The following ADAMTS6 variants were observed in gnomAD, a reference collection of about 807,000 sequenced individuals.
ADAMTS6 encodes the protein A disintegrin and metalloproteinase with thrombospondin motifs 6.
In ADAMTS6, 23 loss-of-function variants were observed where a neutral mutation model predicts 144.3. The observed-to-expected ratio is 0.16, with a 90% CI of 0.11 to 0.23. The LOEUF (loss-of-function observed/expected upper bound fraction) is 0.23. ADAMTS6 is among the 10% of genes least tolerant of loss of function. ADAMTS6 has a pLI of 1.00. For missense variants in ADAMTS6, 999 were observed against 1,379.6 expected, an observed-to-expected ratio of 0.72 and a Z score of 4.37; for synonymous variants, 444 against 457.5, an observed-to-expected ratio of 0.97 and a Z score of 0.38.
At position 65,334,028 on chromosome 5, in the gene ADAMTS6, C is replaced by CA. The variant is rs766592901; in HGVS notation, c.1117+13dup. ...AAAAAAAAAAAAAAAAAAAAAAAAC[C>CA]AAAAAAAACTTACCCAGTGTTCCAC... On this transcript the variant is annotated intron_variant, in intron 8 of 24. Coordinates refer to ENST00000381055, the MANE Select transcript of ADAMTS6 (RefSeq NM_197941.4). The CA allele has an allele frequency of 6.4e-4, 381 of 594,302 alleles. 1 individual carries two copies. In the Middle Eastern group the frequency reaches 7.5e-3, roughly 12 times the overall value. 36.8% of individuals were successfully genotyped at this position (594,302 alleles called of 1,614,324 possible).
At chr5:65,376,258 AAAT>A (rs964859479) in intron 7 of ADAMTS6, among the ~76,000 whole-genome samples, 2 of 149,430 alleles carry the variant, frequency 1.3e-5, no homozygotes, top group Non-Finnish European at 3.0e-5. Context: ...ACTTAAAGTA[AAAT>A]AATAATAAAA....
At chr5:65,243,372 A>G (rs1759357347) in intron 14 of ADAMTS6, among the ~76,000 whole-genome samples, 1 of 152,122 alleles carries the variant, frequency 6.6e-6, no homozygotes, top group Non-Finnish European at 1.5e-5. Flanking sequence ...CACAATGTGC[A>G]AATATTTGCA....
At chr5:65,402,919 A>C (rs138465559) in intron 7 of ADAMTS6, among the ~76,000 whole-genome samples, 1,549 of 151,772 alleles carry the variant, frequency 0.01, 11 homozygotes, top group Middle Eastern at 0.02. Context: ...TTATGACAAA[A>C]CCCATTGAAT....
chr5:65,410,120 G>A (rs1178396543), intron 7 of ADAMTS6, among the ~76,000 whole-genome samples: 1 of 152,128 alleles, frequency 6.6e-6, no homozygotes, highest in Non-Finnish European at 1.5e-5. Flanking sequence ...TGAGAGCAGA[G>A]AAAATGTGGG....
At chr5:65,365,090 A>G (rs888755054) in intron 7 of ADAMTS6, among the ~76,000 whole-genome samples, 1 of 152,148 alleles carries the variant, frequency 6.6e-6, no homozygotes, top group African/African-American at 2.4e-5. Flanking sequence ...TCCACAGTAA[A>G]CAGTATGATG....
At chr5:65,204,150 A>G (rs1438219180) in intron 20 of ADAMTS6, among the ~76,000 whole-genome samples, 1 of 152,236 alleles carries the variant, frequency 6.6e-6, no homozygotes, top group African/African-American at 2.4e-5. Context: ...AGAAGTAAAC[A>G]GCAAAACATG....
At chr5:65,411,203 A>G (rs1375248556) in intron 7 of ADAMTS6, among the ~76,000 whole-genome samples, 5 of 152,260 alleles carry the variant, frequency 3.3e-5, no homozygotes, top group Admixed American at 2.6e-4. Flanking sequence ...AAATCTATTT[A>G]TCCATCGGTC....
chr5:65,394,443 G>A (rs1413795865), intron 7 of ADAMTS6, among the ~76,000 whole-genome samples: 3 of 152,094 alleles, frequency 2.0e-5, no homozygotes, highest in Admixed American at 6.6e-5. Flanking sequence ...GAGAAACCAC[G>A]AGCAATAATA....
intron 3 of ADAMTS6, among the ~76,000 whole-genome samples, chr5:65,460,829 G>A (rs895846398): frequency 6.6e-6 from 1 of 152,120 alleles, no homozygotes; most frequent in Non-Finnish European, 1.5e-5. Context: ...AATACCTAGG[G>A]TAGGTAGAAA....
chr5:65,472,495 T>C (rs1760532487), intron 2 of ADAMTS6, among the ~76,000 whole-genome samples: 1 of 152,198 alleles, frequency 6.6e-6, no homozygotes, highest in South Asian at 2.1e-4. Context: ...ATGGTATGTG[T>C]AGTAATATCT....
chr5:65,328,695 G>C (rs1746415372), intron 9 of ADAMTS6, among the ~76,000 whole-genome samples: 1 of 151,264 alleles, frequency 6.6e-6, no homozygotes, highest in South Asian at 2.1e-4. Context: ...GTATTATCAA[G>C]CTTCTCTTCC....
chr5:65,331,654 A>G (rs1229816715), intron 8 of ADAMTS6, among the ~76,000 whole-genome samples: 2 of 151,974 alleles, frequency 1.3e-5, no homozygotes, highest in Non-Finnish European at 2.9e-5. Flanking sequence ...CCTCAGCTTG[A>G]TGGCCACAGT....
chr5:65,439,640 T>A (rs1365526363), intron 7 of ADAMTS6, among the ~76,000 whole-genome samples: 3 of 152,130 alleles, frequency 2.0e-5, no homozygotes, highest in African/African-American at 4.8e-5. Flanking sequence ...GAACGTGTGA[T>A]CCTAGGTTAG....
chr5:65,221,636 T>C (rs1193585213), intron 18 of ADAMTS6, among the ~76,000 whole-genome samples: 1 of 152,122 alleles, frequency 6.6e-6, no homozygotes, highest in African/African-American at 2.4e-5. Context: ...CTAAAGGTCA[T>C]GAACTCTGTT....
chr5:65,306,468 T>A (rs1368167735), intron 9 of ADAMTS6, among the ~76,000 whole-genome samples: 1 of 148,730 alleles, frequency 6.7e-6, no homozygotes, highest in East Asian at 2.0e-4. Flanking sequence ...ATCAATATAA[T>A]TTTTTTTTAA....
intron 7 of ADAMTS6, among the ~76,000 whole-genome samples, chr5:65,357,521 T>C (rs1561459212): frequency 1.3e-5 from 2 of 150,436 alleles, no homozygotes; most frequent in Admixed American, 6.6e-5. Context: ...ATACATGAAA[T>C]AGAGACTAAA....
At chr5:65,220,339 T>C (rs1440827556) in intron 18 of ADAMTS6, among the ~76,000 whole-genome samples, 1 of 152,174 alleles carries the variant, frequency 6.6e-6, no homozygotes, top group Non-Finnish European at 1.5e-5. Context: ...AAAATGCTTG[T>C]TTTATAGCAG....
Position 65,150,329 on chromosome 5 carries a change from G to A in ADAMTS6, c.*1507C>T, listed in dbSNP as rs181873823. 3.9e-4 allele frequency: 59 copies of A among 152,676 alleles called. No homozygotes were observed. The highest frequency in any genetic ancestry group is 1.3e-3 in the African/African-American group (55 of 41,532). The allele number at this position is 152,676 out of a possible 1,614,324, so 9.5% of individuals were successfully genotyped here. ...ATCAAGAACCTGCTGCAAGCTACACGTGTTCAAGTAAAAAATATTAATATA... is the reference window on the plus strand; with the variant it reads ...ATCAAGAACCTGCTGCAAGCTACACATGTTCAAGTAAAAAATATTAATATA... On this transcript the variant is annotated 3_prime_UTR_variant, in exon 25 of 25. Coordinates refer to ENST00000381055, the MANE Select transcript of ADAMTS6 (RefSeq NM_197941.4).
rs79662217 is a variant in ADAMTS6 at position 65,201,289 on chromosome 5, C to A, written c.2576-4138G>T. On this transcript the variant is annotated intron_variant, in intron 20 of 24. Transcript: ENST00000381055. ...ATTTCTTCCCTCCATTCCAGTCCCT[C>A]TACTCCTCTTATTAGCTGCCCAATG... 6.5e-3 allele frequency among the ~76,000 whole-genome samples: 991 copies of A among 152,242 alleles called. 57 individuals carry two copies. In the East Asian group the frequency reaches 0.13, roughly 20 times the overall value.
Sources: allele counts gnomAD v4.1 joint callset (sites outside exome capture counted in the v4.1 genomes callset), GRCh38; gene constraint gnomAD v4.1.1; transcripts MANE v1.5; gene names NCBI Gene and HGNC (gene_info 2026-07-23, HGNC 2026-07-21).